Variants in PPEF1 observed in about 807,000 individuals in gnomAD.
PPEF1 encodes the protein serine/threonine-protein phosphatase with EF-hands 1.
PPEF1 carries 12 observed loss-of-function variants against 53.3 expected under a neutral mutation model. The observed-to-expected ratio is 0.23, with a 90% confidence interval of 0.14 to 0.36. PPEF1 has a LOEUF of 0.36. PPEF1 is among the 10% of genes least tolerant of loss of function. The pLI, the probability that PPEF1 is intolerant of heterozygous loss-of-function variation, is 1.00. For missense variants in PPEF1, 334 were observed against 490.4 expected (o/e 0.68, Z 3.01); for synonymous variants, 165 against 176.7 (o/e 0.93, Z 0.52).
At chrX:18,740,071 C>T (rs1435880511) in intron 3 of PPEF1, among the ~76,000 whole-genome samples, 1 of 112,512 alleles carries the variant, frequency 8.9e-6, no homozygotes, top group African/African-American at 3.2e-5. Flanking sequence ...TTCCCCGACC[C>T]CTTGCCCTTC....
intron 10 of PPEF1, among the ~76,000 whole-genome samples, chrX:18,796,413 A>G (rs186188511): frequency 3.0e-4 from 34 of 112,932 alleles, no homozygotes; most frequent in Admixed American, 2.8e-3. Flanking sequence ...TCCTGTAGAT[A>G]GAATCATAAC....
At chrX:18,681,578 A>T (rs746025653), upstream of PPEF1, among the ~76,000 whole-genome samples, 1 of 111,814 alleles carries the variant, frequency 8.9e-6, no homozygotes, top group African/African-American at 3.3e-5. Context: ...ACGTGAGATG[A>T]TGTAGAGGCT....
intron 1 of PPEF1, among the ~76,000 whole-genome samples, chrX:18,719,805 G>A (rs1172531048): frequency 9.0e-6 from 1 of 111,673 alleles, no homozygotes; most frequent in Non-Finnish European, 1.9e-5. Context: ...TCACTGTTTT[G>A]CAACCACCAT....
intron 6 of PPEF1, among the ~76,000 whole-genome samples, chrX:18,777,893 C>T (rs1375635959): frequency 1.8e-5 from 2 of 110,318 alleles, no homozygotes; most frequent in African/African-American, 6.6e-5. Context: ...TATAGGCGCA[C>T]ACCACCACGC....
intron 3 of PPEF1, 32 bp from the exon 4 acceptor site, chrX:18,749,760 C>T: frequency 7.0e-6 from 1 of 143,222 alleles, no homozygotes; most frequent in African/African-American, 4.0e-5. Flanking sequence ...CACCCCCACC[C>T]CCACCCCCCC....
At chrX:18,718,631 A>C (rs2044514168) in intron 1 of PPEF1, among the ~76,000 whole-genome samples, 1 of 111,163 alleles carries the variant, frequency 9.0e-6, no homozygotes, top group East Asian at 2.8e-4. Flanking sequence ...ACAACACAAA[A>C]CCCAAAGAGA....
chrX:18,688,319 G>C (rs1467921941), intron 3 of PPEF1, among the ~76,000 whole-genome samples: 2 of 112,235 alleles, frequency 1.8e-5, no homozygotes, highest in Non-Finnish European at 3.8e-5. Context: ...ACAGAAGTAA[G>C]TAATGGAGGC....
intron 6 of PPEF1, among the ~76,000 whole-genome samples, chrX:18,763,235 A>T (rs886385293): frequency 9.0e-6 from 1 of 111,567 alleles, no homozygotes; most frequent in Admixed American, 9.6e-5. Flanking sequence ...CTGCTAAATC[A>T]TGGAGGTTTG....
chrX:18,725,004 T>C (rs1164666652), intron 1 of PPEF1, among the ~76,000 whole-genome samples: 1 of 111,161 alleles, frequency 9.0e-6, no homozygotes, highest in Non-Finnish European at 1.9e-5. Flanking sequence ...GGGAAATGTA[T>C]GCCCAAGGGA....
chrX:18,771,857 G>A lies in PPEF1; in HGVS notation c.559-7153G>A, dbSNP rs185642115. Among the ~76,000 whole-genome samples, 578 of 111,865 alleles carry A rather than the reference G, an allele frequency of 5.2e-3. 1 individual carries two copies. Among genetic ancestry groups the A allele is most frequent in the Non-Finnish European group, 8.8e-3 (468 of 53,203 alleles). ...AGGCCAGGTGTAGTAGCTCATGCCTGTAATCCTAGCACCTTGGGAGGTTGA... is the reference window on the plus strand; with the variant it reads ...AGGCCAGGTGTAGTAGCTCATGCCTATAATCCTAGCACCTTGGGAGGTTGA... On this transcript the variant is annotated intron_variant, in intron 6 of 15. Transcript: ENST00000470157.
At chrX:18,722,682 G>A (rs760989689) in intron 1 of PPEF1, among the ~76,000 whole-genome samples, 1 of 112,177 alleles carries the variant, frequency 8.9e-6, no homozygotes, top group South Asian at 3.7e-4. Context: ...AAATACAGCA[G>A]CTAACTCAAC....
At chrX:18,722,268 G>T (rs1242899369) in intron 1 of PPEF1, among the ~76,000 whole-genome samples, 1 of 112,437 alleles carries the variant, frequency 8.9e-6, no homozygotes, top group Non-Finnish European at 1.9e-5. Context: ...TTCGCTTAAA[G>T]CCTTTTGCTA....
intron 9 of PPEF1, among the ~76,000 whole-genome samples, chrX:18,788,178 G>A (rs1303243587): frequency 6.4e-5 from 7 of 108,632 alleles, no homozygotes; most frequent in African/African-American, 1.7e-4. Flanking sequence ...TTAGCCGGGC[G>A]TGGTGGCGGG....
intron 7 of PPEF1, among the ~76,000 whole-genome samples, chrX:18,781,728 G>A (rs1376470228): frequency 9.0e-6 from 1 of 111,444 alleles, no homozygotes; most frequent in African/African-American, 3.3e-5. Context: ...CACAGTGTTG[G>A]ATATTAAGGG....
upstream of PPEF1, among the ~76,000 whole-genome samples, chrX:18,703,556 T>C (rs926643772): frequency 8.9e-6 from 1 of 112,335 alleles, no homozygotes; most frequent in Non-Finnish European, 1.9e-5. Context: ...GATTCCTTTG[T>C]TCATTCATTC....
At chrX:18,710,304 T>A (rs2044295475) in intron 1 of PPEF1, among the ~76,000 whole-genome samples, 1 of 112,208 alleles carries the variant, frequency 8.9e-6, no homozygotes. Context: ...TTGAATTCTC[T>A]TCATCCTTTC....
At chrX:18,789,071 T>G in intron 9 of PPEF1, 50 bp from the exon 10 acceptor site, 1 of 1,184,239 alleles carries the variant, frequency 8.4e-7, no homozygotes, top group Non-Finnish European at 1.1e-6. Context: ...AGTCTCTGTA[T>G]GTGGCAGAAT....
At chrX:18,676,555 A>G (rs1488388302) in intron 1 of PPEF1, among the ~76,000 whole-genome samples, 1 of 111,024 alleles carries the variant, frequency 9.0e-6, no homozygotes, top group African/African-American at 3.3e-5. Context: ...CGAGATGACC[A>G]GAGTGGCCAG....
chrX:18,803,256 C>T (rs958615064), intron 10 of PPEF1, among the ~76,000 whole-genome samples: 2 of 113,097 alleles, frequency 1.8e-5, no homozygotes, highest in African/African-American at 6.4e-5. Context: ...AGGCACAGAT[C>T]GCTCATGCTG....
Sources: gnomAD v4.1 joint callset for allele counts (sites outside exome capture counted in the v4.1 genomes callset) on GRCh38, gnomAD v4.1.1 for gene constraint, MANE v1.5 for transcripts, NCBI Gene and HGNC (gene_info 2026-07-23, HGNC 2026-07-21) for gene names.